TM6SF1: variants seen among roughly 807,000 people sequenced by gnomAD.
The protein encoded by TM6SF1 is transmembrane 6 superfamily member 1.
A neutral mutation model predicts 47.1 loss-of-function variants in TM6SF1; 43 were observed. That is an observed-to-expected ratio of 0.91 (90% CI 0.72 to 1.18). TM6SF1 has a LOEUF of 1.18. Ranked by LOEUF, TM6SF1 falls within the 50% of genes most tolerant of loss-of-function variation. TM6SF1 has a pLI of 0.00. For synonymous variants in TM6SF1, 177 were observed against 166.3 expected (o/e 1.06, Z -0.49); for missense variants, 390 against 449.0 (o/e 0.87, Z 1.19).
intron 2 of TM6SF1, chr15:83,114,741 C>T (rs2034504994): frequency 6.6e-6 from 1 of 152,250 alleles, no homozygotes; most frequent in Non-Finnish European, 1.5e-5. Flanking sequence ...CATGTCCATC[C>T]CATAGTCTAA....
intron 9 of TM6SF1, chr15:83,131,321 T>C (rs890263862): frequency 6.6e-6 from 1 of 151,998 alleles, no homozygotes; most frequent in Non-Finnish European, 1.5e-5. Flanking sequence ...TAGATCAGTA[T>C]AGGCCAATGG....
intron 2 of TM6SF1, 172 bp downstream of exon 2, chr15:83,113,072 A>G (rs1355845155): frequency 1.1e-5 from 7 of 625,982 alleles, no homozygotes; most frequent in Non-Finnish European, 2.0e-5. Flanking sequence ...ATTGCCTCTC[A>G]GGCAGTGGAC....
intron 3 of TM6SF1, among the ~76,000 whole-genome samples, chr15:83,119,277 A>G (rs2034994397): frequency 6.6e-6 from 1 of 152,260 alleles, no homozygotes; most frequent in Non-Finnish European, 1.5e-5. Context: ...TGAGTTTGCC[A>G]TACAGCCAGG....
rs762917427 is a variant in TM6SF1 at position 83,122,764 on chromosome 15, T to C, written c.489T>C (p.Tyr163=). The part of the protein sequence containing the change: ...VFVPGNIVGK[Y]GTRICPAFFL... ...TTTCTCTCTTTTAAATAGGGAAGTA[T>C]GGAACACGAATTTGCCCTGCTTTTT... The change falls in exon 6 of 10, where the codon TAT becomes TAC. Residue 163 remains tyrosine, a synonymous_variant. Coordinates refer to ENST00000322019, the MANE Select transcript of TM6SF1 (RefSeq NM_023003.5). 1.2e-6 allele frequency: 2 copies of C among 1,613,900 alleles called. No homozygotes were observed. Among genetic ancestry groups the C allele is most frequent in the East Asian group, 2.2e-5 (1 of 44,868 alleles).
At chr15:83,131,132 AT>A (rs2036211831) in intron 9 of TM6SF1, 1 of 151,950 alleles carries the variant, frequency 6.6e-6, no homozygotes, top group African/African-American at 2.4e-5. Flanking sequence ...AAAAATAGGC[AT>A]TTTTCTGTAA....
At chr15:83,108,665 T>C (rs1011950527) in intron 1 of TM6SF1, among the ~76,000 whole-genome samples, 1 of 152,342 alleles carries the variant, frequency 6.6e-6, no homozygotes, top group South Asian at 2.1e-4. Flanking sequence ...TGTTGGTTGC[T>C]GTCTGGAGGG....
chr15:83,107,924 T>G lies in TM6SF1; in HGVS notation c.92+152T>G. ...AGGGGCTCCCCGCGCCTGGCCAGAC[T>G]AGGGGGGCGCCCCAGGGGTCGCACG... On this transcript the variant is annotated intron_variant, in intron 1 of 9. Transcript: ENST00000322019. This position sits in a 1 kb window ranked among gnomAD's most constrained non-coding sequence, Gnocchi z 5.6. 4 of 1,275,324 alleles carry G rather than the reference T, an allele frequency of 3.1e-6. No individual in the cohort carries two copies. The highest frequency in any genetic ancestry group is 4.0e-6 in the Non-Finnish European group (4 of 1,005,032). 79.0% of individuals were successfully genotyped at this position (1,275,324 alleles called of 1,614,324 possible).
At chr15:83,111,132 A>G (rs1596465563) in intron 1 of TM6SF1, among the ~76,000 whole-genome samples, 1 of 152,142 alleles carries the variant, frequency 6.6e-6, no homozygotes, top group South Asian at 2.1e-4. Context: ...TCGACCTCCC[A>G]AAGTGCTTGG....
chr15:83,134,087 C>A (rs1215090627), intron 9 of TM6SF1: 1 of 152,166 alleles, frequency 6.6e-6, no homozygotes, highest in Non-Finnish European at 1.5e-5. Context: ...GCTTTGTAGA[C>A]CCTTTTTGTA....
At chr15:83,121,708 TA>T (rs1480346371) in intron 4 of TM6SF1, among the ~76,000 whole-genome samples, 1 of 152,216 alleles carries the variant, frequency 6.6e-6, no homozygotes, top group Non-Finnish European at 1.5e-5. Flanking sequence ...ATTTCCTATT[TA>T]AAAGGACACG....
intron 6 of TM6SF1, among the ~76,000 whole-genome samples, chr15:83,124,053 TTAAGTA>T (rs775109634): frequency 7.9e-5 from 12 of 152,314 alleles, no homozygotes; most frequent in South Asian, 2.1e-4. Context: ...CATCATTACA[TTAAGTA>T]TAACAGTGAA....
At chr15:83,119,220 C>T (rs2034990211) in intron 3 of TM6SF1, among the ~76,000 whole-genome samples, 1 of 152,240 alleles carries the variant, frequency 6.6e-6, no homozygotes, top group Non-Finnish European at 1.5e-5. Flanking sequence ...GGCCACCTCT[C>T]TGGTCACTGC....
In TM6SF1 at chr15:83,122,093, C is replaced by G; in HGVS notation, c.481+90C>G. The G allele has an allele frequency of 4.1e-6, 4 of 984,246 alleles. No homozygotes were observed. In the South Asian group the frequency reaches 5.9e-5, roughly 14 times the overall value. 61.0% of individuals were successfully genotyped at this position (984,246 alleles called of 1,614,324 possible). The stretch of plus-strand genomic sequence containing the variant: ...AGAAGCTCTTTTAGTTATAATAGAA[C>G]CAAGTGATTCCAAGCTTACTAAAAA... On this transcript the variant is annotated intron_variant, in intron 5 of 9. Coordinates refer to ENST00000322019, the MANE Select transcript of TM6SF1 (RefSeq NM_023003.5).
At chr15:83,130,477 T>C (rs1305704350) in intron 9 of TM6SF1, 1 of 152,178 alleles carries the variant, frequency 6.6e-6, no homozygotes, top group Non-Finnish European at 1.5e-5. Context: ...CTGAAGCCCC[T>C]CTCTTGATGG....
intron 1 of TM6SF1, among the ~76,000 whole-genome samples, chr15:83,110,878 T>G (rs962905607): frequency 2.0e-5 from 3 of 152,192 alleles, no homozygotes; most frequent in African/African-American, 7.2e-5. Flanking sequence ...AATTAATTGT[T>G]ATTATTTTTT....
rs1379340969 is a variant in TM6SF1, at chr15:83,111,251, TCATCATCATCTATCCATCCATTTATC to T, written c.93-1538_93-1513del. Among the ~76,000 whole-genome samples the T allele has an allele frequency of 4.6e-5, 7 of 151,910 alleles. No homozygotes were observed. In the East Asian group the frequency reaches 1.4e-3, roughly 29 times the overall value. On this transcript the variant is annotated intron_variant, in intron 1 of 9. Transcript: ENST00000322019. The stretch of plus-strand genomic sequence containing the variant: ...ATTCACCCATACTCCATCCATCCAC[TCATCATCATCTATCCATCCATTTATC>T]CATCATCCTCCATCATCCATCAATT...
chr15:83,124,093 G>A (rs2035511752), intron 6 of TM6SF1, among the ~76,000 whole-genome samples: 1 of 152,118 alleles, frequency 6.6e-6, no homozygotes, highest in Admixed American at 6.5e-5. Context: ...TCCAACAGTG[G>A]GAGAATGGCT....
At chr15:83,122,092 A>G (rs2035310199) in intron 5 of TM6SF1, 89 bp downstream of exon 5, 1 of 1,034,584 alleles carries the variant, frequency 9.7e-7, no homozygotes, top group Non-Finnish European at 1.5e-6. Context: ...TTATAATAGA[A>G]CCAAGTGATT....
intron 1 of TM6SF1, among the ~76,000 whole-genome samples, chr15:83,110,570 C>T (rs1423259970): frequency 2.0e-5 from 3 of 152,218 alleles, no homozygotes; most frequent in Non-Finnish European, 4.4e-5. Flanking sequence ...ATCCTGCTGG[C>T]AGTGAGTGCA....
Sources: gnomAD v4.1 joint callset for allele counts (sites outside exome capture counted in the v4.1 genomes callset) on GRCh38, gnomAD v4.1.1 for gene constraint, Gnocchi (gnomAD v3.1) non-coding constraint, MANE v1.5 for transcripts, NCBI Gene and HGNC (gene_info 2026-07-23, HGNC 2026-07-21) for gene names.